The following TAB2 variants were observed in gnomAD, a reference collection of about 807,000 sequenced individuals.
The protein encoded by TAB2 is TGF-beta-activated kinase 1 and MAP3K7-binding protein 2.
In TAB2, 3 loss-of-function variants were observed where a neutral mutation model predicts 65.0. The ratio of observed to expected loss-of-function variants is 0.05; its 90% CI spans 0.02 to 0.12. The LOEUF is 0.12. Ranked by LOEUF, TAB2 falls within the 10% of genes least tolerant of loss-of-function variation. The pLI, the probability that TAB2 is intolerant of heterozygous loss-of-function variation, is 1.00. For synonymous variants in TAB2, 298 were observed against 285.1 expected (o/e 1.05, Z -0.46); for missense variants, 623 against 840.3 (o/e 0.74, Z 3.20).
At chr6:149,301,619 T>C (rs1189943104) in intron 1 of TAB2, among the ~76,000 whole-genome samples, 5 of 152,214 alleles carry the variant, frequency 3.3e-5, no homozygotes, top group Non-Finnish European at 7.4e-5. Flanking sequence ...TCAAATCTTT[T>C]TGTTTGTTTC....
At chr6:149,314,362 CA>C (rs143514655), upstream of TAB2, among the ~76,000 whole-genome samples, 136 of 152,328 alleles carry the variant, frequency 8.9e-4, 1 homozygote, top group East Asian at 0.02. Flanking sequence ...CCAGGCTCAG[CA>C]GCTCAGCATT....
intron 1 of TAB2, among the ~76,000 whole-genome samples, chr6:149,344,476 A>G (rs1434017694): frequency 6.6e-6 from 1 of 152,242 alleles, no homozygotes; most frequent in Non-Finnish European, 1.5e-5. Context: ...TAGAGAAAGC[A>G]GCAAGAGTAT....
chr6:149,331,527 T>C (rs897742712), intron 1 of TAB2, among the ~76,000 whole-genome samples: 12 of 152,144 alleles, frequency 7.9e-5, no homozygotes, highest in African/African-American at 2.9e-4. Flanking sequence ...TCCCAATCTG[T>C]ATGCTTTTTA....
chr6:149,280,439 C>T lies in TAB2; in HGVS notation c.-121+61663C>T, dbSNP rs190722181. On this transcript the variant is annotated intron_variant, in intron 1 of 1. Coordinates refer to the TAB2 transcript ENST00000606202. Reference sequence around the variant, plus strand: ...ATTTCAAAGCCCATTTTATTTCCTCCGCATGGTGCTTAACCCCTCTTCACC... The same window carrying T: ...ATTTCAAAGCCCATTTTATTTCCTCTGCATGGTGCTTAACCCCTCTTCACC... Among the ~76,000 whole-genome samples, 328 of 152,230 alleles carry T rather than the reference C, an allele frequency of 2.2e-3. 1 individual carries two copies. The highest frequency in any genetic ancestry group is 0.014 in the Middle Eastern group (4 of 294).
chr6:149,241,394 G>T (rs543636614), intron 1 of TAB2, among the ~76,000 whole-genome samples: 1 of 152,102 alleles, frequency 6.6e-6, no homozygotes, highest in East Asian at 1.9e-4. Flanking sequence ...TTGATCCTGC[G>T]TACTGTAAAT....
intron 3 of TAB2, among the ~76,000 whole-genome samples, chr6:149,382,334 A>AC (rs1225020822): frequency 6.6e-6 from 1 of 152,262 alleles, no homozygotes; most frequent in Non-Finnish European, 1.5e-5. Flanking sequence ...ACGGTGGCTC[A>AC]CGCCTGTAGT....
chr6:149,353,856 G>C (rs1313629287), intron 1 of TAB2, among the ~76,000 whole-genome samples: 1 of 152,102 alleles, frequency 6.6e-6, no homozygotes, highest in Non-Finnish European at 1.5e-5. Flanking sequence ...TATATATAGA[G>C]AGTGAGAGAT....
chr6:149,272,678 A>G (rs1006317181), intron 1 of TAB2, among the ~76,000 whole-genome samples: 1 of 152,140 alleles, frequency 6.6e-6, no homozygotes, highest in African/African-American at 2.4e-5. Context: ...CACAAAGTCC[A>G]TTCTGTCATA....
In TAB2 at chr6:149,379,305, T is replaced by C; in HGVS notation, c.1390T>C (p.Phe464Leu). ...VVTQPNTKYT[F>L]KITVSPNKPP... ...CACTCAGCCCAATACGAAATACACTTTCAAAATTACAGTCTCTCCCAATAA... is the reference window on the plus strand; with the variant it reads ...CACTCAGCCCAATACGAAATACACTCTCAAAATTACAGTCTCTCCCAATAA... Residue 464 changes from phenylalanine to leucine, a missense_variant, in exon 3 of 7, where the codon TTC becomes CTC. By Grantham distance (22) the Phe-to-Leu change is conservative (BLOSUM62 0). This residue lies in a region of TAB2 where 550 missense variants were observed against 665.7 expected (regional missense o/e 0.83). Coordinates refer to ENST00000637181, the MANE Select transcript of TAB2 (RefSeq NM_001292034.3). 1.2e-6 allele frequency: 2 copies of C among 1,614,164 alleles called. No individual in the cohort carries two copies. The highest frequency in any genetic ancestry group is 1.7e-6 in the Non-Finnish European group (2 of 1,180,030).
chr6:149,292,851 C>T (rs1035037429), intron 1 of TAB2, among the ~76,000 whole-genome samples: 2 of 152,038 alleles, frequency 1.3e-5, no homozygotes, highest in African/African-American at 4.8e-5. Flanking sequence ...TAATTAAATT[C>T]CTTTGTTTTT....
chr6:149,399,083 T>C (rs1006814775), intron 5 of TAB2, 21 bp from the exon 6 acceptor site: 3 of 1,595,392 alleles, frequency 1.9e-6, no homozygotes, highest in Non-Finnish European at 2.6e-6. Flanking sequence ...CATTGATATA[T>C]TTACTTTTTA....
At chr6:149,403,938 T>C (rs924158170) in intron 6 of TAB2, among the ~76,000 whole-genome samples, 4 of 152,032 alleles carry the variant, frequency 2.6e-5, no homozygotes, top group Non-Finnish European at 5.9e-5. Context: ...TACATTTCAA[T>C]ATAAGGTTTG....
chr6:149,318,214 C>A (rs1779317142), intron 1 of TAB2, among the ~76,000 whole-genome samples, 199 bp downstream of exon 1: 1 of 151,932 alleles, frequency 6.6e-6, no homozygotes, highest in Non-Finnish European at 1.5e-5. Flanking sequence ...CCCCCCGAGT[C>A]CCCCAGTCCG....
intron 2 of TAB2, among the ~76,000 whole-genome samples, chr6:149,376,513 T>C (rs1781401445): frequency 6.6e-6 from 1 of 152,238 alleles, no homozygotes; most frequent in African/African-American, 2.4e-5. Flanking sequence ...TATATTCTTC[T>C]TTACTCGTGC....
At chr6:149,328,581 C>T (rs758592058) in intron 1 of TAB2, among the ~76,000 whole-genome samples, 24 of 152,160 alleles carry the variant, frequency 1.6e-4, no homozygotes, top group Non-Finnish European at 2.9e-4. Flanking sequence ...CACGAGCCAC[C>T]GCACCCGGCC....
chr6:149,264,014 T>C (rs142846538), intron 1 of TAB2, among the ~76,000 whole-genome samples: 31 of 152,376 alleles, frequency 2.0e-4, no homozygotes, highest in East Asian at 1.3e-3. Flanking sequence ...TCTCAGTTTA[T>C]GCTGAAGGCA....
chr6:149,403,308 A>ATG (rs1306722610), intron 6 of TAB2, among the ~76,000 whole-genome samples: 1 of 69,626 alleles, frequency 1.4e-5, no homozygotes, highest in Non-Finnish European at 3.0e-5. Flanking sequence ...ATATATATAT[A>ATG]TATATACACA....
chr6:149,294,335 C>T (rs1213172425), intron 1 of TAB2, among the ~76,000 whole-genome samples: 1 of 152,138 alleles, frequency 6.6e-6, no homozygotes, highest in Admixed American at 6.5e-5. Context: ...TCCCTCTGTG[C>T]CCATTTGTGT....
chr6:149,362,725 A>G (rs1271054098), intron 1 of TAB2, among the ~76,000 whole-genome samples: 1 of 152,222 alleles, frequency 6.6e-6, no homozygotes, highest in Non-Finnish European at 1.5e-5. Flanking sequence ...GGGGAGGGGA[A>G]ACTAGTCAAG....
Sources: allele counts gnomAD v4.1 joint callset (sites outside exome capture counted in the v4.1 genomes callset), GRCh38; gene constraint gnomAD v4.1.1; regional missense constraint gnomAD v4.1.1; transcripts MANE v1.5; gene names NCBI Gene and HGNC (gene_info 2026-07-23, HGNC 2026-07-21).